Variants in PPP3CA observed in about 807,000 individuals in gnomAD.
PPP3CA encodes the protein CAM-PRP catalytic subunit.
PPP3CA carries 14 observed loss-of-function variants against 66.5 expected under a neutral mutation model. The ratio of observed to expected loss-of-function variants is 0.21; its 90% CI spans 0.14 to 0.33. PPP3CA has a LOEUF of 0.33. Ranked by LOEUF, PPP3CA falls within the 10% of genes least tolerant of loss-of-function variation. The pLI is 1.00. For missense variants in PPP3CA, 317 were observed against 639.5 expected (o/e 0.50, Z 5.44); for synonymous variants, 232 against 226.2 (o/e 1.03, Z -0.23).
chr4:101,193,413 A>G (rs1724674875), intron 2 of PPP3CA, among the ~76,000 whole-genome samples: 1 of 152,226 alleles, frequency 6.6e-6, no homozygotes, highest in African/African-American at 2.4e-5. Context: ...TCTGCAACAC[A>G]GAAATAGTCT....
intron 1 of PPP3CA, among the ~76,000 whole-genome samples, chr4:101,305,667 T>C (rs1200516880): frequency 6.6e-6 from 1 of 152,180 alleles, no homozygotes; most frequent in Non-Finnish European, 1.5e-5. Context: ...ATCCTTTGAA[T>C]TGAATGAGAG....
At chr4:101,093,699 T>G (rs1416433582) in intron 6 of PPP3CA, 77 bp downstream of exon 6, 10 of 1,340,446 alleles carry the variant, frequency 7.5e-6, no homozygotes, top group Non-Finnish European at 9.9e-6. Context: ...ACATTATAAA[T>G]AAATCAAACA....
chr4:101,062,016 T>G (rs1266653094), intron 9 of PPP3CA, among the ~76,000 whole-genome samples: 1 of 152,082 alleles, frequency 6.6e-6, no homozygotes, highest in Admixed American at 6.6e-5. Flanking sequence ...GAGCCAACAC[T>G]GATCCAGAGT....
At chr4:101,300,462 A>G (rs1479250916) in intron 1 of PPP3CA, among the ~76,000 whole-genome samples, 2 of 152,206 alleles carry the variant, frequency 1.3e-5, no homozygotes, top group African/African-American at 4.8e-5. Flanking sequence ...CATAGTGATA[A>G]AACCATTTTT....
At chr4:101,250,006 T>C (rs1242137302) in intron 1 of PPP3CA, among the ~76,000 whole-genome samples, 2 of 152,190 alleles carry the variant, frequency 1.3e-5, no homozygotes, top group African/African-American at 2.4e-5. Context: ...TGTCTACAGA[T>C]TGTACTTCTG....
At chr4:101,116,377 G>A (rs780581367) in intron 2 of PPP3CA, among the ~76,000 whole-genome samples, 1 of 151,892 alleles carries the variant, frequency 6.6e-6, no homozygotes, top group Non-Finnish European at 1.5e-5. Context: ...AGCATGAGGA[G>A]ATTAATTTAT....
At chr4:101,271,474 C>T (rs191175554) in intron 1 of PPP3CA, among the ~76,000 whole-genome samples, 1 of 152,156 alleles carries the variant, frequency 6.6e-6, no homozygotes, top group East Asian at 1.9e-4. Flanking sequence ...TAAACATAAA[C>T]TTAAAAGGCA....
intron 3 of PPP3CA, among the ~76,000 whole-genome samples, chr4:101,103,219 C>A (rs1336417516): frequency 1.3e-5 from 2 of 151,994 alleles, no homozygotes; most frequent in Non-Finnish European, 2.9e-5. Context: ...AAAGAGGAAG[C>A]AAGGAAGTAA....
At chr4:101,208,479 G>A (rs1404230459) in intron 1 of PPP3CA, among the ~76,000 whole-genome samples, 1 of 152,124 alleles carries the variant, frequency 6.6e-6, no homozygotes, top group African/African-American at 2.4e-5. Flanking sequence ...AATACAAAGG[G>A]ATGCTGGCAT....
chr4:101,119,762 C>G (rs145467402), intron 2 of PPP3CA, among the ~76,000 whole-genome samples: 2 of 152,002 alleles, frequency 1.3e-5, no homozygotes, highest in Non-Finnish European at 2.9e-5. Context: ...GTGGGAATAT[C>G]AGCAGAAGGG....
chr4:101,341,149 G>T (rs1257973694), intron 1 of PPP3CA, among the ~76,000 whole-genome samples: 11 of 150,964 alleles, frequency 7.3e-5, no homozygotes, highest in African/African-American at 2.7e-4. Context: ...AATGCGAAAT[G>T]AAATGTGAAG....
chr4:101,346,815 A>G lies in PPP3CA; in HGVS notation c.-19T>C. On this transcript the variant is annotated 5_prime_UTR_variant, in exon 1 of 14. Transcript: ENST00000394854. ...CGGACATCTCCAGCTGCCGGAGGACAGCGACGCGCTGCTCGTCCGTCCGAC... is the reference window on the plus strand; with the variant it reads ...CGGACATCTCCAGCTGCCGGAGGACGGCGACGCGCTGCTCGTCCGTCCGAC... The G allele has an allele frequency of 1.9e-6, 3 of 1,608,242 alleles. No individual in the cohort carries two copies. Among genetic ancestry groups the G allele is most frequent in the Non-Finnish European group, 2.5e-6 (3 of 1,177,914 alleles).
At chr4:101,148,285 T>A (rs1723030117) in intron 2 of PPP3CA, among the ~76,000 whole-genome samples, 2 of 152,132 alleles carry the variant, frequency 1.3e-5, no homozygotes, top group African/African-American at 2.4e-5. Flanking sequence ...CATATATGAT[T>A]TAAAATAATT....
intron 2 of PPP3CA, among the ~76,000 whole-genome samples, chr4:101,119,174 T>C (rs1367223762): frequency 6.6e-6 from 1 of 151,976 alleles, no homozygotes; most frequent in Non-Finnish European, 1.5e-5. Flanking sequence ...CACAAAAAGT[T>C]GTTCTATATT....
intron 1 of PPP3CA, among the ~76,000 whole-genome samples, chr4:101,222,341 T>C (rs1420268930): frequency 6.6e-6 from 1 of 151,610 alleles, no homozygotes; most frequent in Non-Finnish European, 1.5e-5. Flanking sequence ...GAATCAGATA[T>C]CTCAGTTTGT....
chr4:101,070,641 A>C (rs1219258202), intron 8 of PPP3CA, among the ~76,000 whole-genome samples: 1 of 152,246 alleles, frequency 6.6e-6, no homozygotes, highest in Non-Finnish European at 1.5e-5. Context: ...ACATATGATT[A>C]ATATGCATAA....
chr4:101,337,592 T>C (rs1401486492), intron 1 of PPP3CA, among the ~76,000 whole-genome samples: 1 of 152,258 alleles, frequency 6.6e-6, no homozygotes, highest in African/African-American at 2.4e-5. Flanking sequence ...GAAACTATAG[T>C]TTCCTTAGTC....
At chr4:101,077,388 T>A (rs1439982264) in intron 8 of PPP3CA, among the ~76,000 whole-genome samples, 1 of 152,184 alleles carries the variant, frequency 6.6e-6, no homozygotes, top group East Asian at 1.9e-4. Flanking sequence ...CTTCTAACAA[T>A]CAAATGGTTA....
At chr4:101,286,139 T>C (rs1201538376) in intron 1 of PPP3CA, among the ~76,000 whole-genome samples, 4 of 152,146 alleles carry the variant, frequency 2.6e-5, no homozygotes, top group African/African-American at 7.2e-5. Flanking sequence ...CAGTTCACAA[T>C]AGGGTTTGTT....
Sources: allele counts gnomAD v4.1 joint callset (sites outside exome capture counted in the v4.1 genomes callset), GRCh38; gene constraint gnomAD v4.1.1; transcripts MANE v1.5; gene names NCBI Gene and HGNC (gene_info 2026-07-23, HGNC 2026-07-21).